The following ATP8B1 variants were observed in gnomAD, a reference collection of about 807,000 sequenced individuals.
The protein encoded by ATP8B1 is ATPase phospholipid transporting 8B1.
A neutral mutation model predicts 149.9 loss-of-function variants in ATP8B1; 80 were observed. The observed-to-expected ratio is 0.53, with a 90% CI of 0.45 to 0.64. The LOEUF (loss-of-function observed/expected upper bound fraction) is 0.64. Ranked by LOEUF, ATP8B1 falls within the 30% of genes least tolerant of loss-of-function variation. The probability of loss-of-function intolerance (pLI) is 0.00; values close to 1 mark genes in which losing one functional copy is unlikely to be tolerated. For missense variants in ATP8B1, 1,247 were observed against 1,552.6 expected, an observed-to-expected ratio of 0.80 and a Z score of 3.31; for synonymous variants, 536 against 562.8, an observed-to-expected ratio of 0.95 and a Z score of 0.67.
chr18:57,763,318 G>A (rs2080174329), intron 1 of ATP8B1, among the ~76,000 whole-genome samples: 1 of 152,060 alleles, frequency 6.6e-6, no homozygotes, highest in South Asian at 2.1e-4. Flanking sequence ...CTTGAACCTG[G>A]GAGGCGGAGA....
At chr18:57,785,448 A>C (rs1476800673) in intron 1 of ATP8B1, among the ~76,000 whole-genome samples, 2 of 152,254 alleles carry the variant, frequency 1.3e-5, no homozygotes, top group African/African-American at 2.4e-5. Context: ...AGTAAGTATC[A>C]AAAGTTAGTG....
rs909572730 is a variant in ATP8B1 at position 57,695,341 on chromosome 18, A to G, written c.782-12T>C. On this transcript the variant is annotated splice_polypyrimidine_tract_variant and intron_variant, in intron 9 of 27. Transcript: ENST00000648908. ...ACATTCAATAAAACCTTTTAAAAAT[A>G]TAAGATTCACATAATTAATCACATA... 1.3e-6 allele frequency: 2 copies of G among 1,595,720 alleles called. No homozygotes were observed. The highest frequency in any genetic ancestry group is 1.7e-6 in the Non-Finnish European group (2 of 1,163,714).
intron 4 of ATP8B1, among the ~76,000 whole-genome samples, chr18:57,701,538 G>C (rs561517468): frequency 2.6e-5 from 4 of 152,268 alleles, no homozygotes; most frequent in Admixed American, 1.3e-4. Context: ...GAGGGCAGTG[G>C]CTCCTGAAAT....
At chr18:57,671,288 T>C (rs1433537307) in intron 17 of ATP8B1, among the ~76,000 whole-genome samples, 180 bp downstream of exon 17, 1 of 152,180 alleles carries the variant, frequency 6.6e-6, no homozygotes, top group Non-Finnish European at 1.5e-5. Flanking sequence ...AGGAAGTCAG[T>C]GGCAGGGGCA....
intron 20 of ATP8B1, among the ~76,000 whole-genome samples, chr18:57,666,044 TA>T (rs2122685389): frequency 6.6e-6 from 1 of 152,298 alleles, no homozygotes; most frequent in South Asian, 2.1e-4. Flanking sequence ...GAAATAAGAC[TA>T]ATATTGACCA....
chr18:57,721,356 C>T (rs1460393482), intron 2 of ATP8B1, among the ~76,000 whole-genome samples: 2 of 146,904 alleles, frequency 1.4e-5, no homozygotes, highest in Non-Finnish European at 3.0e-5. Flanking sequence ...AAACCCATCT[C>T]ACGTGCAGAG....
At chr18:57,671,657 C>T (rs1021644357) in intron 16 of ATP8B1, 77 bp from the exon 17 acceptor site, 2 of 1,051,972 alleles carry the variant, frequency 1.9e-6, no homozygotes, top group Admixed American at 3.7e-5. Flanking sequence ...GGGTCTTGCT[C>T]TGTTGTCCAG....
intron 1 of ATP8B1, among the ~76,000 whole-genome samples, chr18:57,795,740 G>C (rs2080509075): frequency 6.6e-6 from 1 of 152,182 alleles, no homozygotes; most frequent in African/African-American, 2.4e-5. Context: ...CATGGGCATA[G>C]TTTCTATTTG....
chr18:57,691,743 A>G, intron 12 of ATP8B1, 64 bp downstream of exon 12: 3 of 1,567,958 alleles, frequency 1.9e-6, no homozygotes, highest in African/African-American at 1.4e-5. Flanking sequence ...AAATGAAGGC[A>G]CTATGTTGGG....
intron 1 of ATP8B1, among the ~76,000 whole-genome samples, chr18:57,770,312 C>G (rs1019148441): frequency 1.3e-5 from 2 of 152,244 alleles, no homozygotes; most frequent in Non-Finnish European, 2.9e-5. Context: ...CCCACCCCAG[C>G]TGCCAATGGG....
At chr18:57,729,552 T>A (rs932850812) in intron 2 of ATP8B1, among the ~76,000 whole-genome samples, 1 of 22,486 alleles carries the variant, frequency 4.4e-5, no homozygotes, top group African/African-American at 1.4e-4. Flanking sequence ...TTTCTTTCTT[T>A]TTTTTTTTTT....
chr18:57,743,779 G>C (rs757895656), intron 1 of ATP8B1, among the ~76,000 whole-genome samples: 3 of 152,130 alleles, frequency 2.0e-5, no homozygotes, highest in Non-Finnish European at 4.4e-5. Flanking sequence ...CAGGGAGTTA[G>C]AGGGCCCATG....
intron 22 of ATP8B1, among the ~76,000 whole-genome samples, chr18:57,658,852 G>T (rs1336440374): frequency 6.6e-6 from 1 of 152,110 alleles, no homozygotes; most frequent in African/African-American, 2.4e-5. Flanking sequence ...TATTGTTATT[G>T]ATGTGGTTGG....
At chr18:57,671,113 GA>G (rs1911197439) in intron 17 of ATP8B1, among the ~76,000 whole-genome samples, 1 of 152,220 alleles carries the variant, frequency 6.6e-6, no homozygotes, top group African/African-American at 2.4e-5. Context: ...ACTACAACTT[GA>G]AGTTAGTGGA....
chr18:57,718,793 C>T (rs1248328213), intron 2 of ATP8B1, among the ~76,000 whole-genome samples: 1 of 152,078 alleles, frequency 6.6e-6, no homozygotes. Context: ...TCAATTGATG[C>T]TGAAAAAGAA....
intron 8 of ATP8B1, among the ~76,000 whole-genome samples, chr18:57,696,731 T>C (rs1402262298): frequency 6.6e-6 from 1 of 152,164 alleles, no homozygotes; most frequent in African/African-American, 2.4e-5. Flanking sequence ...TGTGTGACCT[T>C]GGGCGGGCTG....
intron 2 of ATP8B1, among the ~76,000 whole-genome samples, chr18:57,713,265 CTTTCTTTCTTTCTTT>C (rs1913822070): frequency 8.9e-6 from 1 of 111,898 alleles, no homozygotes; most frequent in African/African-American, 3.4e-5. Context: ...CTTTCTTTCT[CTTTCTTTCTTTCTTT>C]TTTCTTTCTC....
At chr18:57,767,967 A>T (rs1421418461) in intron 1 of ATP8B1, among the ~76,000 whole-genome samples, 1 of 152,194 alleles carries the variant, frequency 6.6e-6, no homozygotes, top group Non-Finnish European at 1.5e-5. Flanking sequence ...ACACACATAC[A>T]AATATATACA....
intron 19 of ATP8B1, 24 bp downstream of exon 19, chr18:57,668,405 A>T (rs1050964199): frequency 1.4e-5 from 22 of 1,547,438 alleles, no homozygotes; most frequent in Non-Finnish European, 1.9e-5. Flanking sequence ...ATTAACAGAT[A>T]TGCTTCCCTG....
Sources: allele counts gnomAD v4.1 joint callset (sites outside exome capture counted in the v4.1 genomes callset), GRCh38; gene constraint gnomAD v4.1.1; transcripts MANE v1.5; gene names NCBI Gene and HGNC (gene_info 2026-07-23, HGNC 2026-07-21).